The following USP8 variants were observed in gnomAD, a reference collection of about 807,000 sequenced individuals.
USP8 encodes ubiquitin specific peptidase 8.
USP8 carries 27 observed loss-of-function variants against 130.0 expected under a neutral mutation model. The ratio of observed to expected loss-of-function variants is 0.21; its 90% confidence interval spans 0.15 to 0.29. USP8 has a LOEUF of 0.29. Ranked by LOEUF, USP8 falls within the 10% of genes least tolerant of loss-of-function variation. The pLI is 1.00. For synonymous variants in USP8, 392 were observed against 444.1 expected (o/e 0.88, Z 1.48); for missense variants, 1,029 against 1,312.2 (o/e 0.78, Z 3.33).
At position 50,500,771 on chromosome 15, in the gene USP8, A is replaced by G; in HGVS notation, c.*1683A>G. On this transcript the variant is annotated 3_prime_UTR_variant, in exon 20 of 20. Transcript: ENST00000307179. ...ACTCGTGTGTTATCAAAGCTATATC[A>G]GGCCTGGGTGACTGAATTCTTGCAG... 6.3e-7 allele frequency: 1 copy of G among 1,586,764 alleles called. No homozygotes were observed. Among genetic ancestry groups the G allele is most frequent in the Non-Finnish European group, 8.6e-7 (1 of 1,165,740 alleles).
rs2052774584 is a variant in USP8 at position 50,514,089 on chromosome 15, GAATA to G, written c.*15005_*15008del. The G allele has an allele frequency of 6.6e-6, 1 of 152,124 alleles. No individual in the cohort carries two copies. The highest frequency in any genetic ancestry group is 1.5e-5 in the Non-Finnish European group (1 of 68,018). 9.4% of individuals were successfully genotyped at this position (152,124 alleles called of 1,614,324 possible). On this transcript the variant is annotated 3_prime_UTR_variant, in exon 20 of 20. Coordinates refer to ENST00000307179, the MANE Select transcript of USP8 (RefSeq NM_005154.5). ...TGGAATACTATACAGCAATGAGAAT[GAATA>G]AATTACAATATAAACAACAATATGG...
Position 50,481,542 on chromosome 15 carries a change from G to T in USP8, c.1280G>T (p.Ser427Ile). 1 of 1,611,914 alleles carries T rather than the reference G, an allele frequency of 6.2e-7. No homozygotes were observed. The highest frequency in any genetic ancestry group is 8.5e-7 in the Non-Finnish European group (1 of 1,179,518). Reference protein sequence around the residue: ...LPEEHRIKSESTNHEQQSPQS... With the variant: ...LPEEHRIKSEITNHEQQSPQS... The stretch of plus-strand genomic sequence containing the variant: ...GAAGAGCATAGAATAAAATCTGAAA[G>T]TACAAACCATGAGCAACAATCTCCT... Residue 427 changes from serine (S) to isoleucine (I), a missense_variant, in exon 11 of 20, where the codon AGT (serine) becomes ATT (isoleucine). Transcript: ENST00000307179.
chr15:50,456,551 G>A (rs138701135), intron 4 of USP8, among the ~76,000 whole-genome samples: 38 of 147,968 alleles, frequency 2.6e-4, no homozygotes, highest in African/African-American at 9.0e-4. Flanking sequence ...TCCAGCCCAG[G>A]TGACAGTGTG....
chr15:50,441,924 T>C (rs1209454207), intron 3 of USP8, among the ~76,000 whole-genome samples: 1 of 151,842 alleles, frequency 6.6e-6, no homozygotes, highest in Non-Finnish European at 1.5e-5. Context: ...TGTACCCATA[T>C]TACAAATGTC....
At chr15:50,453,638 T>C (rs1595924244) in intron 4 of USP8, among the ~76,000 whole-genome samples, 1 of 152,204 alleles carries the variant, frequency 6.6e-6, no homozygotes, top group South Asian at 2.1e-4. Flanking sequence ...TGGCTGATAA[T>C]GTTCAGATCT....
rs78444615 is a variant in USP8 at position 50,503,350 on chromosome 15, C to T, written c.*4262C>T. On this transcript the variant is annotated 3_prime_UTR_variant, in exon 20 of 20. Transcript: ENST00000307179. ...GAGCCCTAAACAGGAAATTTAACAA[C>T]AGTATGGTGTGTGGTTTATGCTTTG... 6.6e-6 allele frequency: 1 copy of T among 152,330 alleles called. No individual in the cohort carries two copies. Among genetic ancestry groups the T allele is most frequent in the Non-Finnish European group, 1.5e-5 (1 of 68,158 alleles). 9.4% of individuals were successfully genotyped at this position (152,330 alleles called of 1,614,324 possible).
chr15:50,485,965 C>G (rs1241214118), intron 12 of USP8, among the ~76,000 whole-genome samples: 2 of 152,116 alleles, frequency 1.3e-5, no homozygotes, highest in African/African-American at 4.8e-5. Context: ...AAAGCCTGCA[C>G]ATGTTCAGTA....
chr15:50,452,217 C>T (rs2050650697), intron 4 of USP8, among the ~76,000 whole-genome samples: 1 of 152,224 alleles, frequency 6.6e-6, no homozygotes, highest in Admixed American at 6.5e-5. Flanking sequence ...GGACACCTCT[C>T]ATAACATAGA....
At chr15:50,425,661 A>T (rs1161485418) in intron 1 of USP8, among the ~76,000 whole-genome samples, 10 of 149,706 alleles carry the variant, frequency 6.7e-5, no homozygotes, top group Admixed American at 6.7e-4. Context: ...GTAGTAGTTT[A>T]AAAAAAAAAT....
intron 11 of USP8, among the ~76,000 whole-genome samples, chr15:50,483,512 G>A (rs915979301): frequency 3.7e-4 from 56 of 152,192 alleles, no homozygotes; most frequent in Admixed American, 3.3e-3. Context: ...AAGAATCTAC[G>A]GGCCGGGCGC....
chr15:50,491,336 T>A (rs1276375124), intron 14 of USP8, among the ~76,000 whole-genome samples: 4 of 152,174 alleles, frequency 2.6e-5, no homozygotes, highest in Non-Finnish European at 4.4e-5. Flanking sequence ...AAGTTGAAAT[T>A]TTTTCTTCCT....
chr15:50,496,939 T>G (rs772570238), intron 17 of USP8, 150 bp from the exon 18 acceptor site: 5 of 955,620 alleles, frequency 5.2e-6, no homozygotes, highest in Non-Finnish European at 7.6e-6. Context: ...TGCTTCTCAC[T>G]AGATCACAAG....
intron 10 of USP8, among the ~76,000 whole-genome samples, chr15:50,478,135 T>G (rs11070785): frequency 0.15 from 22,360 of 152,246 alleles, 2,063 homozygotes; most frequent in Middle Eastern, 0.28. Flanking sequence ...TTGACCCATA[T>G]TATTTTCATA....
At chr15:50,439,647 G>A (rs62019075) in intron 2 of USP8, among the ~76,000 whole-genome samples, 21,266 of 151,222 alleles carry the variant, frequency 0.14, 1,975 homozygotes, top group Middle Eastern at 0.28. Context: ...AAAATTAGCC[G>A]GGCGTGGTGG....
chr15:50,427,721 G>A (rs1188741503), intron 1 of USP8, among the ~76,000 whole-genome samples: 2 of 151,590 alleles, frequency 1.3e-5, no homozygotes, highest in Non-Finnish European at 2.9e-5. Context: ...CACCATGCCC[G>A]GCTAATTTTT....
intron 15 of USP8, 39 bp from the exon 16 acceptor site, chr15:50,494,031 T>G (rs764697818): frequency 1.3e-6 from 2 of 1,589,936 alleles, no homozygotes; most frequent in Non-Finnish European, 8.6e-7. Flanking sequence ...ACTTTTAAAT[T>G]TCCTTTATTG....
At chr15:50,483,130 C>T (rs1466864504) in intron 11 of USP8, among the ~76,000 whole-genome samples, 1 of 152,164 alleles carries the variant, frequency 6.6e-6, no homozygotes, top group Non-Finnish European at 1.5e-5. Context: ...ATTTTCACTG[C>T]ATTGTCTTAT....
At position 50,498,943 on chromosome 15, in the gene USP8, A is replaced by G; in HGVS notation, c.3212A>G (p.Tyr1071Cys). The G allele has an allele frequency of 1.2e-6, 2 of 1,613,912 alleles. No individual in the cohort carries two copies. The highest frequency in any genetic ancestry group is 1.1e-5 in the South Asian group (1 of 91,070). Reference sequence around the variant, plus strand: ...CTGGATGGAGGCCACTACACAGCCTATTGTAAAAATGCAGCAAGACAACGG... The same window carrying G: ...CTGGATGGAGGCCACTACACAGCCTGTTGTAAAAATGCAGCAAGACAACGG... ...GGLDGGHYTA[Y>C]CKNAARQRWF... Residue 1071 changes from tyrosine to cysteine, a missense_variant, in exon 20 of 20, where the codon TAT becomes TGT. By Grantham distance (194) the Tyr-to-Cys change is radical (BLOSUM62 -2). Around this residue, in one of 4 missense-constraint regions of USP8, gnomAD observed 257 missense variants for 429.8 expected, o/e 0.60. Coordinates refer to ENST00000307179, the MANE Select transcript of USP8 (RefSeq NM_005154.5).
intron 2 of USP8, 134 bp downstream of exon 2, chr15:50,439,311 A>G (rs1465806534): frequency 1.7e-6 from 1 of 576,106 alleles, no homozygotes; most frequent in African/African-American, 1.9e-5. Context: ...ACCTCCTTAG[A>G]GAAAGTTGTA....
Sources: allele counts gnomAD v4.1 joint callset (sites outside exome capture counted in the v4.1 genomes callset), GRCh38; gene constraint gnomAD v4.1.1; regional missense constraint gnomAD v4.1.1; transcripts MANE v1.5; gene names NCBI Gene and HGNC (gene_info 2026-07-23, HGNC 2026-07-21).